Variants in VTA1 observed in about 807,000 individuals in gnomAD.
VTA1 encodes vesicle trafficking 1.
VTA1 carries 24 observed loss-of-function variants against 36.9 expected under a neutral mutation model. The ratio of observed to expected loss-of-function variants is 0.65; its 90% CI spans 0.47 to 0.91. The LOEUF is 0.91. VTA1 is among the 40% of genes least tolerant of loss of function. The pLI is 0.00. For synonymous variants in VTA1, 142 were observed against 130.2 expected (o/e 1.09, Z -0.62); for missense variants, 393 against 377.2 (o/e 1.04, Z -0.35).
In VTA1 at chr6:142,221,179, A is replaced by G. The variant is rs1165352512; in HGVS notation, c.*2536A>G. On this transcript the variant is annotated 3_prime_UTR_variant, in exon 8 of 8. Coordinates refer to ENST00000367630, the MANE Select transcript of VTA1 (RefSeq NM_016485.5). ...GTGTCTCTGGACGACCGGCATCAGC[A>G]TCACCTGCGAACTTGCTAGAAAGTT... 2 of 152,238 alleles carry G rather than the reference A, an allele frequency of 1.3e-5. No homozygotes were observed. Among genetic ancestry groups the G allele is most frequent in the African/African-American group, 2.4e-5 (1 of 41,458 alleles). The allele number at this position is 152,238 out of a possible 1,614,324, so 9.4% of individuals were successfully genotyped here.
chr6:142,183,193 T>C (rs929025983), intron 4 of VTA1, among the ~76,000 whole-genome samples: 1 of 152,202 alleles, frequency 6.6e-6, no homozygotes, highest in South Asian at 2.1e-4. Context: ...ATCTGTAACC[T>C]TGACAAAAGC....
intron 7 of VTA1, among the ~76,000 whole-genome samples, chr6:142,213,261 C>G (rs767952411): frequency 3.9e-5 from 6 of 152,212 alleles, no homozygotes; most frequent in Admixed American, 6.5e-5. Flanking sequence ...AATTGTAAAG[C>G]TCCAAAATAA....
chr6:142,200,203 G>T (rs1390552460), intron 6 of VTA1, among the ~76,000 whole-genome samples: 2 of 151,880 alleles, frequency 1.3e-5, no homozygotes, highest in Non-Finnish European at 2.9e-5. Flanking sequence ...ACTTCTCATG[G>T]TTATTTTAAT....
chr6:142,172,843 A>G (rs1257412907), intron 4 of VTA1, among the ~76,000 whole-genome samples: 1 of 152,182 alleles, frequency 6.6e-6, no homozygotes, highest in Non-Finnish European at 1.5e-5. Context: ...CAGGTCAGAC[A>G]GATGATGGAA....
chr6:142,181,347 A>G (rs1775234987), intron 4 of VTA1, among the ~76,000 whole-genome samples: 1 of 148,114 alleles, frequency 6.8e-6, no homozygotes, highest in Non-Finnish European at 1.5e-5. Context: ...GTTAGCCAGG[A>G]TGGTCTCAAT....
At chr6:142,183,945 T>G (rs1356542678) in intron 4 of VTA1, among the ~76,000 whole-genome samples, 1 of 152,194 alleles carries the variant, frequency 6.6e-6, no homozygotes, top group Non-Finnish European at 1.5e-5. Flanking sequence ...TAAACTTCTC[T>G]ACACTGCTCA....
chr6:142,217,295 A>G (rs1165591996), intron 7 of VTA1, among the ~76,000 whole-genome samples: 2 of 152,288 alleles, frequency 1.3e-5, no homozygotes, highest in East Asian at 3.9e-4. Context: ...TTAATTCTAT[A>G]TGAACTTAGT....
At chr6:142,207,684 A>C (rs1257739808) in intron 7 of VTA1, among the ~76,000 whole-genome samples, 3 of 152,200 alleles carry the variant, frequency 2.0e-5, no homozygotes, top group African/African-American at 7.2e-5. Context: ...AACAAGCTGG[A>C]CAGAGAAAAC....
chr6:142,203,661 G>A (rs1775731586), intron 6 of VTA1, among the ~76,000 whole-genome samples: 1 of 152,058 alleles, frequency 6.6e-6, no homozygotes, highest in Non-Finnish European at 1.5e-5. Flanking sequence ...TTAGAATTAT[G>A]TTCTACTTTA....
chr6:142,207,280 C>A (rs1329008500), intron 7 of VTA1, among the ~76,000 whole-genome samples: 2 of 152,118 alleles, frequency 1.3e-5, no homozygotes, highest in Non-Finnish European at 2.9e-5. Flanking sequence ...TCTTCCCCAC[C>A]TCCTTGGGTT....
chr6:142,154,564 G>A (rs1306994050), intron 1 of VTA1, among the ~76,000 whole-genome samples: 5 of 152,020 alleles, frequency 3.3e-5, no homozygotes, highest in Non-Finnish European at 7.4e-5. Flanking sequence ...CAGAGCATCT[G>A]TACCATTTTA....
At chr6:142,183,461 T>C (rs1267154676) in intron 4 of VTA1, among the ~76,000 whole-genome samples, 1 of 152,214 alleles carries the variant, frequency 6.6e-6, no homozygotes, top group African/African-American at 2.4e-5. Flanking sequence ...CCAGTCATGC[T>C]TCAGTGTAGC....
intron 4 of VTA1, among the ~76,000 whole-genome samples, chr6:142,174,605 A>G (rs1170572767): frequency 6.6e-6 from 1 of 152,134 alleles, no homozygotes; most frequent in East Asian, 1.9e-4. Flanking sequence ...TGTGAAAAGG[A>G]CATGAGATTT....
chr6:142,167,878 TA>T (rs1473868222), intron 2 of VTA1, among the ~76,000 whole-genome samples: 1 of 152,240 alleles, frequency 6.6e-6, no homozygotes, highest in Non-Finnish European at 1.5e-5. Flanking sequence ...AGTATATTTG[TA>T]AAATCCAACT....
chr6:142,149,962 T>A (rs1214000715), intron 1 of VTA1, among the ~76,000 whole-genome samples: 3 of 152,214 alleles, frequency 2.0e-5, no homozygotes, highest in Non-Finnish European at 4.4e-5. Flanking sequence ...CATTTTTTTT[T>A]ATCTCTTTGT....
At chr6:142,201,975 A>G (rs112867085) in intron 6 of VTA1, among the ~76,000 whole-genome samples, 2 of 152,104 alleles carry the variant, frequency 1.3e-5, no homozygotes, top group African/African-American at 4.8e-5. Context: ...CAGAAATGCA[A>G]ATTACTTAGC....
At chr6:142,183,024 A>G (rs1775271864) in intron 4 of VTA1, among the ~76,000 whole-genome samples, 1 of 151,446 alleles carries the variant, frequency 6.6e-6, no homozygotes, top group African/African-American at 2.4e-5. Context: ...GGTCTTGATA[A>G]CCAGGAAAGC....
rs1460516295 is a variant in VTA1 at position 142,204,072 on chromosome 6, C to T, written c.778+7C>T. The T allele has an allele frequency of 3.7e-6, 6 of 1,612,216 alleles. No homozygotes were observed. The highest frequency in any genetic ancestry group is 5.1e-6 in the Non-Finnish European group (6 of 1,178,596). ...TTCAATACAATTTCCCAGGGTAAGT[C>T]AGCTGACTATTTTGTGAGATACATT... On this transcript the variant is annotated splice_region_variant and intron_variant, in intron 7 of 7. Transcript: ENST00000367630.
intron 7 of VTA1, among the ~76,000 whole-genome samples, chr6:142,206,085 T>C (rs932678807): frequency 6.6e-6 from 1 of 151,862 alleles, no homozygotes; most frequent in Non-Finnish European, 1.5e-5. Context: ...GAAAAAGAAA[T>C]AAAAGCTATA....
Sources: allele counts gnomAD v4.1 joint callset (sites outside exome capture counted in the v4.1 genomes callset), GRCh38; gene constraint gnomAD v4.1.1; transcripts MANE v1.5; gene names NCBI Gene and HGNC (gene_info 2026-07-23, HGNC 2026-07-21).